The following SPECC1L variants were observed in gnomAD, a reference collection of about 807,000 sequenced individuals.
The protein encoded by SPECC1L is cytospin-A.
Under a neutral mutation model 116.8 loss-of-function variants are expected in SPECC1L, and 40 were observed. The ratio of observed to expected loss-of-function variants is 0.34; its 90% CI spans 0.27 to 0.45. The LOEUF is 0.45. Among genes scored for constraint, SPECC1L ranks in the 20% least tolerant of loss-of-function variants. The pLI is 1.00. For missense variants in SPECC1L, 1,110 were observed against 1,373.6 expected (o/e 0.81, Z 3.03); for synonymous variants, 504 against 500.6 (o/e 1.01, Z -0.09).
intron 3 of SPECC1L, among the ~76,000 whole-genome samples, chr22:24,311,804 C>CAAAAAAAAAAA (rs915422222): frequency 2.1e-5 from 1 of 46,564 alleles, no homozygotes; most frequent in African/African-American, 6.1e-5. Flanking sequence ...GACTTTGTCT[C>CAAAAAAAAAAA]AAAAAAAAAA....
chr22:24,375,979 CAAA>C lies in SPECC1L; in HGVS notation c.3087+6665_3087+6667del, dbSNP rs908217455. ...CAAACAAACAAACAAACAAAAAAAA[CAAA>C]AAAAACCCACAGTTTTAACATTATA... On this transcript the variant is annotated intron_variant, in intron 14 of 16. Transcript: ENST00000314328. 4.0e-5 allele frequency among the ~76,000 whole-genome samples: 6 copies of C among 150,218 alleles called. No homozygotes were observed. The South Asian group carries it at 1.0e-3, about 26-fold the overall frequency.
chr22:24,307,274 G>T (rs903028274), intron 3 of SPECC1L, among the ~76,000 whole-genome samples: 2 of 152,208 alleles, frequency 1.3e-5, no homozygotes, highest in Non-Finnish European at 2.9e-5. Flanking sequence ...GTACATAAGG[G>T]TTCCAATTTT....
intron 3 of SPECC1L, among the ~76,000 whole-genome samples, chr22:24,308,159 A>G (rs1237942382): frequency 1.3e-5 from 2 of 152,150 alleles, no homozygotes; most frequent in Non-Finnish European, 2.9e-5. Context: ...AAACAAGGAC[A>G]TTCTTTTTTA....
chr22:24,345,005 G>A (rs1258420684), intron 10 of SPECC1L, among the ~76,000 whole-genome samples: 1 of 152,038 alleles, frequency 6.6e-6, no homozygotes, highest in Non-Finnish European at 1.5e-5. Flanking sequence ...GTGCTCTTTG[G>A]GTAGAAATTG....
intron 16 of SPECC1L, among the ~76,000 whole-genome samples, chr22:24,414,048 G>A (rs1363195519): frequency 6.6e-6 from 1 of 152,210 alleles, no homozygotes; most frequent in Non-Finnish European, 1.5e-5. Flanking sequence ...ACAGGTCACT[G>A]GCGTTCAGCA....
chr22:24,385,740 A>G (rs1323459679), intron 14 of SPECC1L, among the ~76,000 whole-genome samples: 2 of 152,234 alleles, frequency 1.3e-5, no homozygotes, highest in Non-Finnish European at 2.9e-5. Flanking sequence ...ATCAGGTAAC[A>G]TAGCCCCAGA....
chr22:24,321,846 T>G lies in SPECC1L; in HGVS notation c.866T>G (p.Phe289Cys). 6.2e-7 allele frequency: 1 copy of G among 1,614,228 alleles called. No individual in the cohort carries two copies. The highest frequency in any genetic ancestry group is 8.5e-7 in the Non-Finnish European group (1 of 1,180,054). The change falls in exon 5 of 17, where the codon TTT becomes TGT. Residue 289 changes from phenylalanine (F) to cysteine (C), a missense_variant. By Grantham distance (205) the Phe-to-Cys change is radical. Around this residue, in one of 4 missense-constraint regions of SPECC1L, gnomAD observed 437 missense variants for 482.6 expected, o/e 0.91. Coordinates refer to ENST00000314328, the MANE Select transcript of SPECC1L (RefSeq NM_015330.6). ...AGGTTAGACAATTCTGAAAAACTGTTTGGCTATCAGTCCCTGAGCCCAGAA... is the reference window on the plus strand; with the variant it reads ...AGGTTAGACAATTCTGAAAAACTGTGTGGCTATCAGTCCCTGAGCCCAGAA... ...EQRLDNSEKL[F>C]GYQSLSPEIT... is the part of the protein sequence containing the mutation.
intron 14 of SPECC1L, among the ~76,000 whole-genome samples, chr22:24,391,697 T>C (rs2042277027): frequency 6.6e-6 from 1 of 152,212 alleles, no homozygotes; most frequent in Non-Finnish European, 1.5e-5. Flanking sequence ...GCAACAGCAG[T>C]AGCTTGGATG....
At chr22:24,396,735 A>G (rs1456754093) in intron 14 of SPECC1L, among the ~76,000 whole-genome samples, 4 of 152,218 alleles carry the variant, frequency 2.6e-5, no homozygotes, top group African/African-American at 4.8e-5. Flanking sequence ...ACTGCATAGA[A>G]GTTGCGTTTC....
At chr22:24,403,849 A>C (rs2042529444) in intron 14 of SPECC1L, among the ~76,000 whole-genome samples, 1 of 152,238 alleles carries the variant, frequency 6.6e-6, no homozygotes, top group African/African-American at 2.4e-5. Flanking sequence ...TTTGCGAGGC[A>C]TACGGCCAGA....
At chr22:24,403,751 A>G (rs896015707) in intron 14 of SPECC1L, among the ~76,000 whole-genome samples, 3 of 152,268 alleles carry the variant, frequency 2.0e-5, no homozygotes, top group African/African-American at 7.2e-5. Context: ...GGTCTGTGAA[A>G]TAAACTCGTA....
At chr22:24,286,755 T>C (rs1361230526) in intron 2 of SPECC1L, among the ~76,000 whole-genome samples, 2 of 152,120 alleles carry the variant, frequency 1.3e-5, no homozygotes, top group Non-Finnish European at 2.9e-5. Context: ...TTTGCAGTAA[T>C]TCAGGCTATT....
At chr22:24,305,058 A>C (rs558136622) in intron 3 of SPECC1L, among the ~76,000 whole-genome samples, 1 of 152,222 alleles carries the variant, frequency 6.6e-6, no homozygotes, top group South Asian at 2.1e-4. Context: ...CCTTTACAGA[A>C]TTTTGTAGCA....
chr22:24,394,520 C>T lies in SPECC1L; in HGVS notation c.3088-17068C>T, dbSNP rs34583845. 4.2e-3 allele frequency among the ~76,000 whole-genome samples: 647 copies of T among 152,298 alleles called. 6 individuals carry two copies. Among genetic ancestry groups the T allele is most frequent in the Middle Eastern group, 6.8e-3 (2 of 294 alleles). On this transcript the variant is annotated intron_variant, in intron 14 of 16. Coordinates refer to ENST00000314328, the MANE Select transcript of SPECC1L (RefSeq NM_015330.6). Reference sequence around the variant, plus strand: ...AAGAATTTGGGGAAACAGGAATATTCAGTCCATTGCATATGCATAAGGACA... The same window carrying T: ...AAGAATTTGGGGAAACAGGAATATTTAGTCCATTGCATATGCATAAGGACA...
At chr22:24,317,426 G>C in intron 4 of SPECC1L, among the ~76,000 whole-genome samples, 1 of 126,612 alleles carries the variant, frequency 7.9e-6, no homozygotes, top group Non-Finnish European at 1.8e-5. Flanking sequence ...TGGGGCGCTG[G>C]CCGGGCGGGG....
intron 2 of SPECC1L, among the ~76,000 whole-genome samples, chr22:24,283,026 C>T (rs978779238): frequency 6.6e-6 from 1 of 151,938 alleles, no homozygotes; most frequent in African/African-American, 2.4e-5. Context: ...GATCCACCCA[C>T]CTCATCCTCC....
In SPECC1L at chr22:24,313,340, G is replaced by T; in HGVS notation, c.181G>T (p.Gly61Ter). ...KTKSSDDLLAGMAGGVTVTNG... is the reference protein window; with the variant it reads ...KTKSSDDLLA ...CAAGAGCAGTGATGACCTTTTAGCTGGAATGGCCGGAGGGGTAACGGTGAC... is the reference window on the plus strand; with the variant it reads ...CAAGAGCAGTGATGACCTTTTAGCTTGAATGGCCGGAGGGGTAACGGTGAC... Residue 61 changes from glycine (G) to a stop codon, truncating the protein, a stop_gained, in exon 4 of 17, where the codon GGA becomes TGA. Transcript: ENST00000314328. LOFTEE classifies it high-confidence loss of function. The T allele has an allele frequency of 6.2e-7, 1 of 1,614,030 alleles. No individual in the cohort carries two copies. Among genetic ancestry groups the T allele is most frequent in the Non-Finnish European group, 8.5e-7 (1 of 1,180,004 alleles).
chr22:24,362,379 A>G (rs2041662993), intron 11 of SPECC1L, among the ~76,000 whole-genome samples: 1 of 152,188 alleles, frequency 6.6e-6, no homozygotes, highest in African/African-American at 2.4e-5. Context: ...CAAGGAACTA[A>G]AGGAACTCCC....
At chr22:24,361,005 T>C (rs1478827396) in intron 11 of SPECC1L, among the ~76,000 whole-genome samples, 1 of 151,894 alleles carries the variant, frequency 6.6e-6, no homozygotes. Context: ...AGGGACTCTT[T>C]AAGCTATATA....
Sources: gnomAD v4.1 joint callset for allele counts (sites outside exome capture counted in the v4.1 genomes callset) on GRCh38, gnomAD v4.1.1 for gene constraint, gnomAD v4.1.1 regional missense constraint, MANE v1.5 for transcripts, NCBI Gene and HGNC (gene_info 2026-07-23, HGNC 2026-07-21) for gene names.